Variants in ZC3H4 observed in about 807,000 individuals in gnomAD.
The protein encoded by ZC3H4 is zinc finger CCCH domain-containing protein 4.
Under a neutral mutation model 108.3 loss-of-function variants are expected in ZC3H4, and 13 were observed. The ratio of observed to expected loss-of-function variants is 0.12; its 90% CI spans 0.08 to 0.19. ZC3H4 has a LOEUF of 0.19. ZC3H4 is among the 10% of genes least tolerant of loss of function. The probability of loss-of-function intolerance (pLI) is 1.00; values close to 1 mark genes in which losing one functional copy is unlikely to be tolerated. For synonymous variants in ZC3H4, 917 were observed against 749.6 expected (o/e 1.22, Z -3.65); for missense variants, 1,734 against 1,838.8 (o/e 0.94, Z 1.04).
chr19:47,089,998 C>A lies in ZC3H4; in HGVS notation c.684G>T (p.Arg228=). The A allele has an allele frequency of 6.2e-7, 1 of 1,614,226 alleles. No individual in the cohort carries two copies. Among genetic ancestry groups the A allele is most frequent in the Non-Finnish European group, 8.5e-7 (1 of 1,180,040 alleles). ...CGCGGCTGCTGCCCTCCTTGGCACG[C>A]CGGTACTGGTTCAGCTCTTTGGTGA... The part of the protein sequence containing the change: ...DDFTKELNQY[R]RAKEGSSRGR... Residue 228 remains arginine (R), a synonymous_variant, in exon 5 of 15, where the codon CGG becomes CGT. Transcript: ENST00000253048.
At chr19:47,090,302 G>T in intron 4 of ZC3H4, 113 bp from the exon 5 acceptor site, 1 of 1,193,868 alleles carries the variant, frequency 8.4e-7, no homozygotes, top group Non-Finnish European at 1.2e-6. Context: ...TGTCACTACT[G>T]TCCCAGGGTT....
Position 47,081,587 on chromosome 19 carries a change from T to C in ZC3H4, c.1366A>G (p.Asn456Asp), listed in dbSNP as rs745584911. The change falls in exon 11 of 15, where the codon AAC (asparagine) becomes GAC (aspartate). Residue 456 changes from asparagine (N) to aspartate (D), a missense_variant. Coordinates refer to ENST00000253048, the MANE Select transcript of ZC3H4 (RefSeq NM_015168.2). ...ATGCAGTCGTCACCATTGATGCAGT[T>C]CCCAGTGGTGTGGTACAGCTTACAC... Reference protein sequence around the residue: ...FPCKLYHTTGNCINGDDCMFS... With the variant: ...FPCKLYHTTGDCINGDDCMFS... 1.2e-6 allele frequency: 2 copies of C among 1,614,202 alleles called. No homozygotes were observed. The highest frequency in any genetic ancestry group is 1.7e-6 in the Non-Finnish European group (2 of 1,180,026).
At chr19:47,103,229 A>G (rs1384638872) in intron 2 of ZC3H4, among the ~76,000 whole-genome samples, 2 of 152,192 alleles carry the variant, frequency 1.3e-5, no homozygotes, top group African/African-American at 4.8e-5. Flanking sequence ...TCATCAGAGG[A>G]CCGATTTCTA....
chr19:47,081,431 C>G, intron 11 of ZC3H4, 82 bp downstream of exon 11: 1 of 1,112,316 alleles, frequency 9.0e-7, no homozygotes, highest in South Asian at 1.3e-5. Context: ...AGAGGCTGGA[C>G]AGGCAGGCCA....
At chr19:47,083,128 T>A (rs897420630) in intron 9 of ZC3H4, among the ~76,000 whole-genome samples, 2 of 149,702 alleles carry the variant, frequency 1.3e-5, no homozygotes, top group African/African-American at 4.9e-5. Flanking sequence ...CACTGCAACC[T>A]CCACCACCCA....
Position 47,113,729 on chromosome 19 carries a change from G to A in ZC3H4, c.-15C>T, listed in dbSNP as rs987700428. 2 of 152,292 alleles carry A rather than the reference G, an allele frequency of 1.3e-5. No homozygotes were observed. The highest frequency in any genetic ancestry group is 4.8e-5 in the African/African-American group (2 of 41,452). 9.4% of individuals were successfully genotyped at this position (152,292 alleles called of 1,614,324 possible). ...GGAAAAAAAAAATAACCGAAAGCTGGAGGCCAGGTGCCGAGAGTCGGAGGT... is the reference window on the plus strand; with the variant it reads ...GGAAAAAAAAAATAACCGAAAGCTGAAGGCCAGGTGCCGAGAGTCGGAGGT... On this transcript the variant is annotated 5_prime_UTR_variant, in exon 1 of 15. Coordinates refer to ENST00000253048, the MANE Select transcript of ZC3H4 (RefSeq NM_015168.2).
chr19:47,075,182 T>C (rs923374316), intron 11 of ZC3H4, among the ~76,000 whole-genome samples: 2 of 152,080 alleles, frequency 1.3e-5, no homozygotes, highest in African/African-American at 4.8e-5. Context: ...AACGACGCGG[T>C]GGAACCCCTC....
chr19:47,095,434 G>T (rs896348033), intron 2 of ZC3H4, among the ~76,000 whole-genome samples: 1 of 152,194 alleles, frequency 6.6e-6, no homozygotes, highest in South Asian at 2.1e-4. Context: ...ACGGATCCCA[G>T]GCCCCTCCTG....
chr19:47,085,202 A>G lies in ZC3H4; in HGVS notation c.968-7T>C. 3.7e-6 allele frequency: 6 copies of G among 1,600,042 alleles called. No homozygotes were observed. Among genetic ancestry groups the G allele is most frequent in the Non-Finnish European group, 4.3e-6 (5 of 1,170,586 alleles). The stretch of plus-strand genomic sequence containing the variant: ...CCACGGCCTCGACTTAGCCCTGTGG[A>G]GGGGAGATTGTGTGAAGACCTGCTG... On this transcript the variant is annotated splice_polypyrimidine_tract_variant and splice_region_variant and intron_variant, in intron 7 of 14. Transcript: ENST00000253048.
At chr19:47,096,507 G>A (rs191593651) in intron 2 of ZC3H4, among the ~76,000 whole-genome samples, 1 of 152,344 alleles carries the variant, frequency 6.6e-6, no homozygotes, top group East Asian at 1.9e-4. Context: ...GTTACTCAGT[G>A]ACATGGCAAA....
intron 2 of ZC3H4, chr19:47,096,767 T>C (rs549750015): frequency 1.0e-6 from 1 of 983,436 alleles, no homozygotes; most frequent in African/African-American, 1.7e-5. Flanking sequence ...GCCACTAATA[T>C]TTTAAATGCC....
intron 13 of ZC3H4, 34 bp downstream of exon 13, chr19:47,071,744 A>C (rs772639957): frequency 6.4e-7 from 1 of 1,557,084 alleles, no homozygotes; most frequent in East Asian, 2.2e-5. Flanking sequence ...TAAAGCCTGC[A>C]GCCCCAGGCA....
In ZC3H4 at chr19:47,112,528, T is replaced by TGGCGGCGGC; in HGVS notation, c.48_56dup (p.Pro17_Pro19dup). On this transcript the variant is annotated inframe_insertion, in exon 2 of 15. Transcript: ENST00000253048. ...AAGGCGTTGATGGCGGCGGCGGCGA[T>TGGCGGCGGC]GGCGGCGGCGGCGACTCTGATGGCG... 3 of 1,066,832 alleles carry TGGCGGCGGC rather than the reference T, an allele frequency of 2.8e-6. No homozygotes were observed. The highest frequency in any genetic ancestry group is 2.4e-6 in the Non-Finnish European group (2 of 833,196). 66.1% of individuals were successfully genotyped at this position (1,066,832 alleles called of 1,614,324 possible).
intron 3 of ZC3H4, 65 bp downstream of exon 3, chr19:47,094,324 G>C: frequency 6.3e-7 from 1 of 1,576,380 alleles, no homozygotes; most frequent in Non-Finnish European, 8.7e-7. Flanking sequence ...CAAAAGCTCA[G>C]CCCCTGGGGC....
At chr19:47,086,614 G>A (rs1483201685) in intron 5 of ZC3H4, 76 bp from the exon 6 acceptor site, 3 of 1,486,122 alleles carry the variant, frequency 2.0e-6, no homozygotes, top group Non-Finnish European at 2.7e-6. Context: ...CCCACATTTT[G>A]CTCCTGAGGT....
intron 5 of ZC3H4, among the ~76,000 whole-genome samples, chr19:47,089,061 C>A (rs757714105): frequency 6.6e-6 from 1 of 151,866 alleles, no homozygotes; most frequent in Non-Finnish European, 1.5e-5. Flanking sequence ...CAAAAACTAG[C>A]TGGGTGTAGT....
Position 47,069,321 on chromosome 19 carries a change from C to A in ZC3H4, c.2169G>T (p.Glu723Asp), listed in dbSNP as rs769159551. 3 of 1,613,312 alleles carry A rather than the reference C, an allele frequency of 1.9e-6. No individual in the cohort carries two copies. The African/African-American group carries it at 4.0e-5, about 22-fold the overall frequency. The stretch of plus-strand genomic sequence containing the variant: ...GGTGCTCCCCAGGCTCCCCTGGCAG[C>A]TCTTCGTAGTGCCCGTAGTCCTCTG... ...GDAEDYGHYE[E>D]LPGEPGEHLF... is the part of the protein sequence containing the mutation. The change falls in exon 14 of 15, where the codon GAG becomes GAT. Residue 723 changes from glutamate to aspartate, a missense_variant. Transcript: ENST00000253048.
At position 47,071,857 on chromosome 19, in the gene ZC3H4, C is replaced by T. The variant is rs1297269300; in HGVS notation, c.2067G>A (p.Pro689=). 8.1e-6 allele frequency: 13 copies of T among 1,613,378 alleles called. No homozygotes were observed. Among genetic ancestry groups the T allele is most frequent in the Admixed American group, 3.3e-5 (2 of 59,902 alleles). Reference sequence around the variant, plus strand: ...AGTTTTCATAGAAGTTCTGGGCTGGCGGGATAGGGGGCATCATTCCAGAAT... The same window carrying T: ...AGTTTTCATAGAAGTTCTGGGCTGGTGGGATAGGGGGCATCATTCCAGAAT... The part of the protein sequence containing the change: ...SPHSGMMPPI[P]PAQNFYENFY... The change falls in exon 13 of 15, where the codon CCG becomes CCA. Residue 689 remains proline, a synonymous_variant. Coordinates refer to ENST00000253048, the MANE Select transcript of ZC3H4 (RefSeq NM_015168.2).
At position 47,072,842 on chromosome 19, in the gene ZC3H4, A is replaced by G. The variant is rs2057354940; in HGVS notation, c.1441-129T>C. On this transcript the variant is annotated intron_variant, in intron 11 of 14. Coordinates refer to ENST00000253048, the MANE Select transcript of ZC3H4 (RefSeq NM_015168.2). The surrounding 1 kb of genome is among the most constrained non-coding windows in gnomAD (Gnocchi z 5.6). ...AGGACCTTGAGATCTAAAGGCATAA[A>G]GACCACAATGGCTCTGTAACAAAAA... 1.1e-5 allele frequency: 11 copies of G among 1,045,292 alleles called. No homozygotes were observed. The highest frequency in any genetic ancestry group is 2.6e-5 in the East Asian group (1 of 38,470). The allele number at this position is 1,045,292 out of a possible 1,614,324, so 64.8% of individuals were successfully genotyped here. A position where few individuals can be genotyped will look rare whatever the true frequency, so the allele number is the denominator to read the frequency against.
Sources: gnomAD v4.1 joint callset for allele counts (sites outside exome capture counted in the v4.1 genomes callset) on GRCh38, gnomAD v4.1.1 for gene constraint, Gnocchi (gnomAD v3.1) non-coding constraint, MANE v1.5 for transcripts, NCBI Gene and HGNC (gene_info 2026-07-23, HGNC 2026-07-21) for gene names.